The following ADAMTS17 variants were observed in gnomAD, a reference collection of about 807,000 sequenced individuals.
The protein encoded by ADAMTS17 is ADAM metallopeptidase with thrombospondin type 1 motif 17, also known as A disintegrin and metalloproteinase with thrombospondin motifs 17.
ADAMTS17 carries 113 observed loss-of-function variants against 141.5 expected under a neutral mutation model. The observed-to-expected ratio is 0.80, with a 90% CI of 0.69 to 0.93. The LOEUF (loss-of-function observed/expected upper bound fraction) is 0.93, where lower values mean the gene tolerates loss of function less well. Ranked by LOEUF, ADAMTS17 falls within the 40% of genes least tolerant of loss-of-function variation. ADAMTS17 has a pLI of 0.00. For missense variants in ADAMTS17, 1,659 were observed against 1,517.9 expected, an observed-to-expected ratio of 1.09 and a Z score of -1.54; for synonymous variants, 768 against 630.6, an observed-to-expected ratio of 1.22 and a Z score of -3.27.
chr15:100,108,076 G>A (rs2036517522), intron 14 of ADAMTS17, among the ~76,000 whole-genome samples: 1 of 152,172 alleles, frequency 6.6e-6, no homozygotes, highest in Non-Finnish European at 1.5e-5. Flanking sequence ...CCCAGGCTAG[G>A]AGCCCCACCT....
At chr15:100,326,318 C>T (rs1567540538) in intron 3 of ADAMTS17, among the ~76,000 whole-genome samples, 1 of 152,170 alleles carries the variant, frequency 6.6e-6, no homozygotes, top group Non-Finnish European at 1.5e-5. Flanking sequence ...CCAACTACCA[C>T]TTTTACAGCA....
chr15:100,318,676 A>C (rs1172702732), intron 3 of ADAMTS17, among the ~76,000 whole-genome samples: 2 of 152,240 alleles, frequency 1.3e-5, no homozygotes, highest in African/African-American at 2.4e-5. Flanking sequence ...TTCCTTAGGC[A>C]AATGCAAAAT....
chr15:100,190,663 T>C (rs1243635631), intron 8 of ADAMTS17, among the ~76,000 whole-genome samples: 1 of 152,192 alleles, frequency 6.6e-6, no homozygotes, highest in Non-Finnish European at 1.5e-5. Context: ...CCACTGGCAG[T>C]GGGCAGTAGG....
At chr15:100,332,335 C>G (rs2046078089) in intron 2 of ADAMTS17, among the ~76,000 whole-genome samples, 1 of 152,238 alleles carries the variant, frequency 6.6e-6, no homozygotes, top group African/African-American at 2.4e-5. Context: ...TCCATCACAG[C>G]TGTGCGCGAT....
chr15:100,297,082 G>C (rs1165218454), intron 3 of ADAMTS17, among the ~76,000 whole-genome samples: 4 of 152,210 alleles, frequency 2.6e-5, no homozygotes, highest in Admixed American at 6.5e-5. Flanking sequence ...TGATGCAAGG[G>C]CCAAGGTTGG....
intron 21 of ADAMTS17, among the ~76,000 whole-genome samples, chr15:99,975,725 G>A (rs753062176): frequency 3.9e-5 from 6 of 152,174 alleles, no homozygotes; most frequent in African/African-American, 9.7e-5. Flanking sequence ...TTCATTTCTA[G>A]AAAGAAGCAC....
intron 7 of ADAMTS17, among the ~76,000 whole-genome samples, chr15:100,223,313 C>T (rs554483989): frequency 6.6e-6 from 1 of 152,296 alleles, no homozygotes; most frequent in South Asian, 2.1e-4. Flanking sequence ...TGTTTCCTTT[C>T]TTAGGAAAAA....
chr15:100,051,831 GA>G (rs2032173361), intron 16 of ADAMTS17, 100 bp from the exon 17 acceptor site: 2 of 1,462,176 alleles, frequency 1.4e-6, no homozygotes, highest in Admixed American at 1.7e-5. Context: ...GTTTCTTTAT[GA>G]GGGGTAACCA....
chr15:100,281,099 G>T, intron 4 of ADAMTS17, 130 bp downstream of exon 4: 1 of 1,313,220 alleles, frequency 7.6e-7, no homozygotes, highest in Non-Finnish European at 1.0e-6. Context: ...AGAATTACCA[G>T]GCTATGTTCC....
chr15:100,241,949 G>A (rs747955667), intron 7 of ADAMTS17, among the ~76,000 whole-genome samples: 2 of 152,120 alleles, frequency 1.3e-5, no homozygotes, highest in African/African-American at 4.8e-5. Context: ...CCAAAAGATC[G>A]CCCTGACATA....
intron 7 of ADAMTS17, among the ~76,000 whole-genome samples, chr15:100,200,462 G>A (rs12901159): frequency 0.26 from 39,061 of 151,606 alleles, 5,436 homozygotes; most frequent in East Asian, 0.41. Context: ...AGTACTCCCC[G>A]CACCCAGGAA....
intron 4 of ADAMTS17, among the ~76,000 whole-genome samples, chr15:100,265,218 C>T (rs2043667912): frequency 6.6e-6 from 1 of 152,186 alleles, no homozygotes; most frequent in African/African-American, 2.4e-5. Context: ...CAACTGAGGT[C>T]CCGTGCCAAG....
chr15:100,250,628 T>C (rs908158509), intron 7 of ADAMTS17, among the ~76,000 whole-genome samples: 2 of 152,168 alleles, frequency 1.3e-5, no homozygotes, highest in African/African-American at 4.8e-5. Flanking sequence ...CTGATTGTCA[T>C]GGTGGATGGA....
chr15:100,046,205 C>T (rs1365071161), intron 18 of ADAMTS17, among the ~76,000 whole-genome samples: 1 of 152,158 alleles, frequency 6.6e-6, no homozygotes. Context: ...TAAACAATTG[C>T]TTTTTATACT....
At chr15:100,064,894 G>A (rs997588411) in intron 15 of ADAMTS17, among the ~76,000 whole-genome samples, 6 of 152,164 alleles carry the variant, frequency 3.9e-5, no homozygotes, top group African/African-American at 1.4e-4. Context: ...TTAGGCGTTT[G>A]TTTCTGCGAT....
At chr15:100,050,213 C>A (rs1011196819) in intron 17 of ADAMTS17, among the ~76,000 whole-genome samples, 8 of 152,170 alleles carry the variant, frequency 5.3e-5, no homozygotes, top group Non-Finnish European at 1.2e-4. Flanking sequence ...TGGAAGTCAT[C>A]AGTGTCATAA....
At chr15:100,041,758 T>C (rs2031276926) in intron 18 of ADAMTS17, among the ~76,000 whole-genome samples, 2 of 152,048 alleles carry the variant, frequency 1.3e-5, no homozygotes, top group African/African-American at 4.8e-5. Flanking sequence ...GGGAGAAGTA[T>C]CCACAGAGCT....
chr15:100,218,203 A>G (rs1357647386), intron 7 of ADAMTS17, among the ~76,000 whole-genome samples: 1 of 152,234 alleles, frequency 6.6e-6, no homozygotes, highest in Non-Finnish European at 1.5e-5. Flanking sequence ...TCTCACCACA[A>G]GGAAATTATA....
intron 13 of ADAMTS17, among the ~76,000 whole-genome samples, chr15:100,110,452 G>C (rs561667226): frequency 6.6e-6 from 1 of 151,508 alleles, no homozygotes; most frequent in Non-Finnish European, 1.5e-5. Context: ...TTTCAGTAGA[G>C]ACACCGTTTC....
Sources: gnomAD v4.1 joint callset for allele counts (sites outside exome capture counted in the v4.1 genomes callset) on GRCh38, gnomAD v4.1.1 for gene constraint, MANE v1.5 for transcripts, NCBI Gene and HGNC (gene_info 2026-07-23, HGNC 2026-07-21) for gene names.